The following RIF1 variants were observed in gnomAD, a reference collection of about 807,000 sequenced individuals.
The protein encoded by RIF1 is replication timing regulatory factor 1.
Under a neutral mutation model 247.1 loss-of-function variants are expected in RIF1, and 45 were observed. The observed-to-expected ratio is 0.18, with a 90% CI of 0.14 to 0.23. RIF1 has a LOEUF of 0.23. Among genes scored for constraint, RIF1 ranks in the 10% least tolerant of loss-of-function variants. The probability of loss-of-function intolerance (pLI) is 1.00; values close to 1 mark genes in which losing one functional copy is unlikely to be tolerated. For missense variants in RIF1, 2,967 were observed against 2,862.5 expected (o/e 1.04, Z -0.83); for synonymous variants, 1,087 against 978.8 (o/e 1.11, Z -2.06).
At chr2:151,448,473 A>G (rs866276792) in intron 20 of RIF1, among the ~76,000 whole-genome samples, 7 of 152,188 alleles carry the variant, frequency 4.6e-5, no homozygotes. Context: ...ATGGATTTAT[A>G]TACATATCCT....
At chr2:151,450,158 T>C (rs966445578) in intron 20 of RIF1, among the ~76,000 whole-genome samples, 8 of 149,530 alleles carry the variant, frequency 5.4e-5, no homozygotes, top group African/African-American at 2.0e-4. Context: ...GTCCCCCCCT[T>C]TTTTTTTTAA....
intron 3 of RIF1, 49 bp downstream of exon 3, chr2:151,411,387 TTTTTTTTGGTTTTG>T (rs1686184599): frequency 1.6e-6 from 2 of 1,266,734 alleles, no homozygotes; most frequent in Non-Finnish European, 1.1e-6. Flanking sequence ...AGTTTGGTTT[TTTTTTTTGGTTTTG>T]TTTTTTTGTT....
chr2:151,499,889 A>G (rs2063130907), intron 11 of RIF1, among the ~76,000 whole-genome samples: 1 of 152,216 alleles, frequency 6.6e-6, no homozygotes, highest in Non-Finnish European at 1.5e-5. Flanking sequence ...TTTCCACAGT[A>G]TCTAATAGGC....
chr2:151,453,153 C>T (rs551814265), intron 21 of RIF1, among the ~76,000 whole-genome samples: 1 of 152,242 alleles, frequency 6.6e-6, no homozygotes, highest in South Asian at 2.1e-4. Context: ...TTGCATTTAT[C>T]TTATCTGCTC....
chr2:151,491,841 C>A, intron 9 of RIF1: 1 of 1,326,106 alleles, frequency 7.5e-7, no homozygotes. Flanking sequence ...AAAACCAAGG[C>A]ATGAATTTTA....
intron 9 of RIF1, chr2:151,492,059 CTTAAAG>C (rs2057055666): frequency 6.3e-7 from 1 of 1,596,338 alleles, no homozygotes; most frequent in Non-Finnish European, 8.6e-7. Context: ...TACCCCCTCA[CTTAAAG>C]TTAATCCCCT....
the RIF1 span, chr2:151,514,933 T>C: frequency 6.5e-7 from 1 of 1,527,204 alleles, no homozygotes; most frequent in African/African-American, 1.4e-5. Context: ...TTCTTTCTAA[T>C]GTAAGTAGGA....
At chr2:151,515,219 G>A in the RIF1 span, among the ~76,000 whole-genome samples, 92,971 of 152,032 alleles carry the variant, frequency 0.61, 28,829 homozygotes, top group East Asian at 0.77. Flanking sequence ...TGCACCATCA[G>A]GACTCTGAAT....
At chr2:151,507,722 G>A (rs1207269231) in intron 13 of RIF1, 1 of 351,762 alleles carries the variant, frequency 2.8e-6, no homozygotes, top group Non-Finnish European at 5.2e-6. Context: ...TCTGTCTTTT[G>A]TTACAGGGGT....
intron 10 of RIF1, among the ~76,000 whole-genome samples, chr2:151,434,311 A>G (rs927291988): frequency 6.6e-6 from 1 of 152,086 alleles, no homozygotes; most frequent in African/African-American, 2.4e-5. Flanking sequence ...GTTCTTTTTA[A>G]TTGTTACACA....
Position 151,455,100 on chromosome 2 carries a change from G to A in RIF1, c.2550G>A (p.Met850Ile), listed in dbSNP as rs1386061829. The change falls in exon 22 of 36, where the codon ATG (methionine) becomes ATA (isoleucine). Residue 850 changes from methionine (M) to isoleucine (I), a missense_variant. Around this residue, in one of 7 missense-constraint regions of RIF1, gnomAD observed 2,028 missense variants for 1,825.6 expected, o/e 1.11. Transcript: ENST00000444746. ...SVLGHISLPSMIRKIFATLTR... is the reference protein window; with the variant it reads ...SVLGHISLPSIIRKIFATLTR... Reference sequence around the variant, plus strand: ...TTGGGCATATTTCTTTGCCTTCTATGATCCGAAAAATATTTGCAACTTTAA... The same window carrying A: ...TTGGGCATATTTCTTTGCCTTCTATAATCCGAAAAATATTTGCAACTTTAA... The A allele has an allele frequency of 6.2e-7, 1 of 1,613,000 alleles. No individual in the cohort carries two copies. The highest frequency in any genetic ancestry group is 8.5e-7 in the Non-Finnish European group (1 of 1,179,552).
the RIF1 span, among the ~76,000 whole-genome samples, chr2:151,516,230 G>C: frequency 1.3e-5 from 2 of 152,138 alleles, no homozygotes; most frequent in Non-Finnish European, 2.9e-5. Flanking sequence ...TAATTTTACA[G>C]AAATGGCTGT....
At chr2:151,437,711 A>G (rs1691498593) in intron 13 of RIF1, among the ~76,000 whole-genome samples, 1 of 152,226 alleles carries the variant, frequency 6.6e-6, no homozygotes, top group South Asian at 2.1e-4. Context: ...ATATGAAGAT[A>G]AAATAACAAA....
At chr2:151,506,762 AG>A (rs1394818231) in intron 13 of RIF1, 2 of 600,770 alleles carry the variant, frequency 3.3e-6, no homozygotes, top group Non-Finnish European at 5.8e-6. Flanking sequence ...TTTGGAGCAA[AG>A]TATTGGGGAT....
intron 33 of RIF1, among the ~76,000 whole-genome samples, chr2:151,468,982 C>G (rs1450395399): frequency 3.9e-5 from 6 of 152,142 alleles, no homozygotes; most frequent in African/African-American, 1.4e-4. Flanking sequence ...TGCATTGAAC[C>G]CTTATATCAT....
chr2:151,467,581 G>T (rs763795970), intron 30 of RIF1, among the ~76,000 whole-genome samples: 6 of 152,102 alleles, frequency 3.9e-5, no homozygotes, highest in Non-Finnish European at 8.8e-5. Flanking sequence ...CTGACCTCGA[G>T]ATCCACCCGC....
At chr2:151,411,394 T>C in intron 3 of RIF1, 56 bp downstream of exon 3, 2 of 1,230,872 alleles carry the variant, frequency 1.6e-6, no homozygotes, top group Non-Finnish European at 2.3e-6. Flanking sequence ...TTTTTTTTTT[T>C]GGTTTTGTTT....
intron 9 of RIF1, among the ~76,000 whole-genome samples, chr2:151,431,816 C>G (rs116439528): frequency 9.9e-6 from 1 of 100,872 alleles, no homozygotes; most frequent in African/African-American, 3.1e-5. Context: ...AATGAATGAA[C>G]AAAAAGAATA....
Position 151,475,149 on chromosome 2 carries a change from C to T in RIF1, c.*78C>T. On this transcript the variant is annotated 3_prime_UTR_variant, in exon 36 of 36. Coordinates refer to ENST00000444746, the MANE Select transcript of RIF1 (RefSeq NM_018151.5). ...GAGGAAACAAGTTCTGAAATAATAG[C>T]ACAATTTCAAAGAAGAGACTCTTTG... 1.0e-6 allele frequency: 1 copy of T among 1,002,806 alleles called. No homozygotes were observed. Among genetic ancestry groups the T allele is most frequent in the South Asian group, 1.4e-5 (1 of 72,484 alleles). The allele number at this position is 1,002,806 out of a possible 1,614,324, so 62.1% of individuals were successfully genotyped here. A position where few individuals can be genotyped will look rare whatever the true frequency, so the allele number is the denominator to read the frequency against.
Sources: gnomAD v4.1 joint callset for allele counts (sites outside exome capture counted in the v4.1 genomes callset) on GRCh38, gnomAD v4.1.1 for gene constraint, gnomAD v4.1.1 regional missense constraint, MANE v1.5 for transcripts, NCBI Gene and HGNC (gene_info 2026-07-23, HGNC 2026-07-21) for gene names.